Variants in EHBP1 observed in about 807,000 individuals in gnomAD.
EHBP1 encodes EH domain-binding protein 1.
A neutral mutation model predicts 144.0 loss-of-function variants in EHBP1; 55 were observed. The ratio of observed to expected loss-of-function variants is 0.38; its 90% confidence interval spans 0.31 to 0.48. The LOEUF is 0.48. Ranked by LOEUF, EHBP1 falls within the 20% of genes least tolerant of loss-of-function variation. The pLI is 0.98. For missense variants in EHBP1, 1,200 were observed against 1,364.2 expected (o/e 0.88, Z 1.90); for synonymous variants, 469 against 472.7 (o/e 0.99, Z 0.10).
At chr2:62,937,465 A>G (rs1233290811) in intron 10 of EHBP1, among the ~76,000 whole-genome samples, 1 of 152,248 alleles carries the variant, frequency 6.6e-6, no homozygotes, top group Non-Finnish European at 1.5e-5. Context: ...ATGAAAAATT[A>G]ATAAGCCTTT....
intron 5 of EHBP1, among the ~76,000 whole-genome samples, chr2:62,822,079 C>G (rs2046025604): frequency 6.6e-6 from 1 of 152,060 alleles, no homozygotes; most frequent in Non-Finnish European, 1.5e-5. Flanking sequence ...TTCATTCATT[C>G]TAACCAAAAG....
intron 2 of EHBP1, among the ~76,000 whole-genome samples, chr2:62,739,431 T>C (rs1404621063): frequency 6.6e-6 from 1 of 151,250 alleles, no homozygotes; most frequent in African/African-American, 2.4e-5. Context: ...GGGAACCGGG[T>C]ATATAACCTG....
intron 19 of EHBP1, among the ~76,000 whole-genome samples, chr2:63,009,892 G>A (rs1248577649): frequency 6.6e-6 from 1 of 151,402 alleles, no homozygotes; most frequent in African/African-American, 2.4e-5. Context: ...GGCACAGTAA[G>A]AGATTAATAG....
At chr2:62,891,322 C>T (rs2052445717) in intron 10 of EHBP1, among the ~76,000 whole-genome samples, 1 of 152,030 alleles carries the variant, frequency 6.6e-6, no homozygotes, top group Non-Finnish European at 1.5e-5. Flanking sequence ...AACTTGAACT[C>T]CTGTAATCAT....
intron 19 of EHBP1, among the ~76,000 whole-genome samples, chr2:63,020,833 C>T (rs888410162): frequency 6.6e-6 from 1 of 151,960 alleles, no homozygotes; most frequent in African/African-American, 2.4e-5. Context: ...CACGTGCCAC[C>T]ATGCCCAGCT....
At chr2:62,779,245 T>C (rs1446756527) in intron 5 of EHBP1, among the ~76,000 whole-genome samples, 1 of 152,182 alleles carries the variant, frequency 6.6e-6, no homozygotes, top group Admixed American at 6.5e-5. Context: ...TTGAACCTAA[T>C]CAAATTTCCA....
chr2:62,896,621 A>G (rs2052959949), intron 10 of EHBP1, among the ~76,000 whole-genome samples: 1 of 151,414 alleles, frequency 6.6e-6, no homozygotes, highest in South Asian at 2.1e-4. Flanking sequence ...TTCTTGCATC[A>G]GTGTCTTATT....
chr2:62,960,165 A>G (rs1421300712), intron 14 of EHBP1, among the ~76,000 whole-genome samples: 1 of 152,322 alleles, frequency 6.6e-6, no homozygotes, highest in Admixed American at 6.5e-5. Context: ...CTCAAAATCC[A>G]TCTGGTAACC....
At chr2:62,921,182 A>G (rs917555217) in intron 10 of EHBP1, among the ~76,000 whole-genome samples, 2 of 152,180 alleles carry the variant, frequency 1.3e-5, no homozygotes, top group African/African-American at 2.4e-5. Context: ...ATGGTGGCTC[A>G]TGCCTGTAAT....
At chr2:62,888,547 C>G (rs909734792) in intron 10 of EHBP1, among the ~76,000 whole-genome samples, 1 of 152,104 alleles carries the variant, frequency 6.6e-6, no homozygotes, top group Non-Finnish European at 1.5e-5. Context: ...TTTATGAAGA[C>G]AAAAATGCCT....
At position 62,830,396 on chromosome 2, in the gene EHBP1, G is replaced by A. The variant is rs558809786; in HGVS notation, c.495-623G>A. Among the ~76,000 whole-genome samples the A allele has an allele frequency of 4.3e-4, 66 of 152,078 alleles. 1 individual carries two copies. The highest frequency in any genetic ancestry group is 2.6e-3 in the Admixed American group (39 of 15,270). The stretch of plus-strand genomic sequence containing the variant: ...TGATCACCTGCCTCGGCCTCCCAAA[G>A]TGCTGGGATTACAGGCATGAGCCAC... On this transcript the variant is annotated intron_variant, in intron 6 of 22. Coordinates refer to ENST00000431489, the MANE Select transcript of EHBP1 (RefSeq NM_001142616.3).
At position 63,045,221 on chromosome 2, in the gene EHBP1, C is replaced by G. The variant is rs763716837; in HGVS notation, c.3392+41C>G. On this transcript the variant is annotated intron_variant, in intron 22 of 22. Coordinates refer to ENST00000431489, the MANE Select transcript of EHBP1 (RefSeq NM_001142616.3). This position sits in a 1 kb window ranked among gnomAD's most constrained non-coding sequence, Gnocchi z 5.7. ...GGTCGGGTCGAGGCTGGGCCACCTGCCGAGGGGCCGAGAAGTGTGCGGAAA... is the reference window on the plus strand; with the variant it reads ...GGTCGGGTCGAGGCTGGGCCACCTGGCGAGGGGCCGAGAAGTGTGCGGAAA... 38 of 1,521,478 alleles carry G rather than the reference C, an allele frequency of 2.5e-5. No homozygotes were observed. The highest frequency in any genetic ancestry group is 3.0e-5 in the Non-Finnish European group (33 of 1,118,292). 94.2% of individuals were successfully genotyped at this position (1,521,478 alleles called of 1,614,324 possible).
At chr2:62,787,804 T>A (rs2042917862) in intron 5 of EHBP1, among the ~76,000 whole-genome samples, 1 of 152,220 alleles carries the variant, frequency 6.6e-6, no homozygotes, top group South Asian at 2.1e-4. Flanking sequence ...TGGGTAGAAT[T>A]ATTTGAGCTA....
In EHBP1 at chr2:62,751,111, G is replaced by A. The variant is rs529530855; in HGVS notation, c.162+3659G>A. On this transcript the variant is annotated intron_variant, in intron 3 of 22. Coordinates refer to ENST00000431489, the MANE Select transcript of EHBP1 (RefSeq NM_001142616.3). Reference sequence around the variant, plus strand: ...TTTTTGCCCATTCAGTATGATATTGGCTGTGGGTTTGTCATAAATAGCTTT... The same window carrying A: ...TTTTTGCCCATTCAGTATGATATTGACTGTGGGTTTGTCATAAATAGCTTT... Among the ~76,000 whole-genome samples the A allele has an allele frequency of 1.6e-4, 25 of 152,220 alleles. 1 individual carries two copies. The highest frequency in any genetic ancestry group is 5.5e-4 in the African/African-American group (23 of 41,526).
chr2:62,968,518 CAG>C (rs1298943466), intron 14 of EHBP1, among the ~76,000 whole-genome samples: 1 of 152,006 alleles, frequency 6.6e-6, no homozygotes, highest in African/African-American at 2.4e-5. Context: ...CAATATAAAA[CAG>C]TAATTTTTTT....
At position 63,045,281 on chromosome 2, in the gene EHBP1, C is replaced by A; in HGVS notation, c.3392+101C>A. The A allele has an allele frequency of 7.3e-7, 1 of 1,376,246 alleles. No individual in the cohort carries two copies. Among genetic ancestry groups the A allele is most frequent in the South Asian group, 1.3e-5 (1 of 79,126 alleles). 85.3% of individuals were successfully genotyped at this position (1,376,246 alleles called of 1,614,324 possible). A position where few individuals can be genotyped will look rare whatever the true frequency, so the allele number is the denominator to read the frequency against. On this transcript the variant is annotated intron_variant, in intron 22 of 22. Transcript: ENST00000431489. The surrounding 1 kb of genome is among the most constrained non-coding windows in gnomAD (Gnocchi z 5.7). ...AGAGGTCGCGGGAGGGCCGGGGCAG[C>A]CTCCCACTGGCCTGGTGCTCCCCAT... is the stretch of plus-strand genomic sequence containing the variant.
At chr2:62,690,394 T>G (rs1298085465) in intron 1 of EHBP1, among the ~76,000 whole-genome samples, 1 of 151,944 alleles carries the variant, frequency 6.6e-6, no homozygotes, top group African/African-American at 2.4e-5. Context: ...AAACCCTGTC[T>G]CTACTAAAAA....
chr2:63,015,504 GTGTT>G (rs35967277), intron 19 of EHBP1, among the ~76,000 whole-genome samples: 19 of 152,022 alleles, frequency 1.2e-4, no homozygotes, highest in East Asian at 5.8e-4. Context: ...TTGTGGTTTT[GTGTT>G]TGTTTGTTTG....
intron 3 of EHBP1, among the ~76,000 whole-genome samples, chr2:62,754,524 G>C (rs1006634915): frequency 8.5e-5 from 13 of 152,220 alleles, no homozygotes; most frequent in African/African-American, 3.1e-4. Context: ...AAAGCTGTCA[G>C]ACAGGGACAT....
Sources: gnomAD v4.1 joint callset for allele counts (sites outside exome capture counted in the v4.1 genomes callset) on GRCh38, gnomAD v4.1.1 for gene constraint, Gnocchi (gnomAD v3.1) non-coding constraint, MANE v1.5 for transcripts, NCBI Gene and HGNC (gene_info 2026-07-23, HGNC 2026-07-21) for gene names.